MAN2A1: variants seen among roughly 807,000 people sequenced by gnomAD.
MAN2A1 encodes alpha-mannosidase 2.
MAN2A1 carries 76 observed loss-of-function variants against 142.6 expected under a neutral mutation model. The observed-to-expected ratio is 0.53, with a 90% confidence interval of 0.44 to 0.65. The LOEUF is 0.65. Among genes scored for constraint, MAN2A1 ranks in the 30% least tolerant of loss-of-function variants. MAN2A1 has a pLI of 0.00. For missense variants in MAN2A1, 1,311 were observed against 1,365.1 expected (o/e 0.96, Z 0.62); for synonymous variants, 559 against 473.2 (o/e 1.18, Z -2.35).
chr5:109,729,643 C>T (rs967554816), intron 4 of MAN2A1, 130 bp downstream of exon 4: 51 of 505,574 alleles, frequency 1.0e-4, no homozygotes, highest in African/African-American at 5.0e-4. Flanking sequence ...CTTCACATAC[C>T]GTTTTCGTTG....
chr5:109,825,975 C>T (rs868387012), intron 16 of MAN2A1, among the ~76,000 whole-genome samples: 14 of 136,404 alleles, frequency 1.0e-4, no homozygotes, highest in African/African-American at 3.3e-4. Flanking sequence ...GGAGCGATCT[C>T]GGCTCACTGC....
chr5:109,774,826 AG>A lies in MAN2A1; in HGVS notation c.1236del (p.Lys412AsnfsTer12), dbSNP rs1753240223. 6.2e-7 allele frequency: 1 copy of A among 1,612,694 alleles called. No homozygotes were observed. The highest frequency in any genetic ancestry group is 1.3e-5 in the African/African-American group (1 of 74,604). On this transcript the variant is annotated frameshift_variant, in exon 8 of 22. Coordinates refer to ENST00000261483, the MANE Select transcript of MAN2A1 (RefSeq NM_002372.4). LOFTEE classifies it high-confidence loss of function. ...CTAGATCAGTACCGAAAGAAGTCAA[AG>A]CTTTTTCGTACCAAAGTTCTCCTGG... ...MLLDQYRKKS[K>X]LFRTKVLLAP...
rs917503577 is a variant in MAN2A1 at position 109,796,163 on chromosome 5, A to G, written c.1943+6636A>G. Among the ~76,000 whole-genome samples the G allele has an allele frequency of 2.6e-5, 4 of 152,326 alleles. No homozygotes were observed. In the East Asian group the frequency reaches 7.7e-4, roughly 29 times the overall value. ...GATAAATGTTGGCGAGATGACTGCA[A>G]AAGATTTGGGAAGAAATCATAAAAA... On this transcript the variant is annotated intron_variant, in intron 12 of 21. Transcript: ENST00000261483.
intron 18 of MAN2A1, among the ~76,000 whole-genome samples, chr5:109,847,034 C>G (rs1203380308): frequency 2.0e-5 from 3 of 151,948 alleles, no homozygotes; most frequent in African/African-American, 7.3e-5. Context: ...GTCCAGAAGT[C>G]TGGAATTTTA....
chr5:109,819,668 G>T lies in MAN2A1; in HGVS notation c.2110-1G>T. ...TAAATTCCCTTCCCTATCTTTTAAAGATCTCTTTTCGAGCACATATACCGC... is the reference window on the plus strand; with the variant it reads ...TAAATTCCCTTCCCTATCTTTTAAATATCTCTTTTCGAGCACATATACCGC... On this transcript the variant is annotated splice_acceptor_variant, in intron 13 of 21. Coordinates refer to ENST00000261483, the MANE Select transcript of MAN2A1 (RefSeq NM_002372.4). LOFTEE classifies it high-confidence loss of function. The T allele has an allele frequency of 6.5e-7, 1 of 1,540,858 alleles. No individual in the cohort carries two copies. Among genetic ancestry groups the T allele is most frequent in the South Asian group, 1.2e-5 (1 of 80,502 alleles).
At chr5:109,718,748 A>G (rs1751523620) in intron 3 of MAN2A1, among the ~76,000 whole-genome samples, 2 of 152,126 alleles carry the variant, frequency 1.3e-5, no homozygotes, top group Non-Finnish European at 2.9e-5. Context: ...TGGTCTCCTC[A>G]CTAGAATGTT....
Position 109,764,102 on chromosome 5 carries a change from A to G in MAN2A1, c.836-3433A>G, listed in dbSNP as rs573972803. 5.3e-5 allele frequency among the ~76,000 whole-genome samples: 8 copies of G among 152,222 alleles called. No individual in the cohort carries two copies. The South Asian group carries it at 1.5e-3, about 28-fold the overall frequency. ...AGGCATGAGCCACCGTGTCCGGCCT[A>G]TTATAACTTTTTTGAGCTTTTAAAG... On this transcript the variant is annotated intron_variant, in intron 5 of 21. Coordinates refer to ENST00000261483, the MANE Select transcript of MAN2A1 (RefSeq NM_002372.4).
chr5:109,751,369 A>G (rs1752542286), intron 4 of MAN2A1, among the ~76,000 whole-genome samples: 1 of 152,072 alleles, frequency 6.6e-6, no homozygotes, highest in Admixed American at 6.6e-5. Context: ...CATTGTTTAT[A>G]TATATACCAC....
At chr5:109,778,223 C>A (rs1753349019) in intron 8 of MAN2A1, among the ~76,000 whole-genome samples, 1 of 151,962 alleles carries the variant, frequency 6.6e-6, no homozygotes, top group Non-Finnish European at 1.5e-5. Context: ...TTGATTTTTG[C>A]ATTTTAGCCT....
In MAN2A1 at chr5:109,774,936, A is replaced by G. The variant is rs755968435; in HGVS notation, c.1345A>G (p.Met449Val). The G allele has an allele frequency of 6.2e-6, 10 of 1,608,368 alleles. No individual in the cohort carries two copies. The Admixed American group carries it at 1.0e-4, about 16-fold the overall frequency. Residue 449 changes from methionine to valine, a missense_variant, in exon 8 of 22, where the codon ATG (methionine) becomes GTG (valine). By Grantham distance (21) the Met-to-Val change is conservative. Coordinates refer to ENST00000261483, the MANE Select transcript of MAN2A1 (RefSeq NM_002372.4). The stretch of plus-strand genomic sequence containing the variant: ...GAATTATCAGCAGCTTTTTGATTAT[A>G]TGAATTCTCAGTCCAAGTTTAAAGT... ...FKNYQQLFDY[M>V]NSQSKFKVKI...
At chr5:109,715,902 G>A (rs950974532) in intron 2 of MAN2A1, among the ~76,000 whole-genome samples, 2 of 151,574 alleles carry the variant, frequency 1.3e-5, no homozygotes, top group Admixed American at 1.3e-4. Flanking sequence ...CGGATGGGAG[G>A]GATTATTTGT....
chr5:109,833,965 G>GTTT (rs1472179367), intron 16 of MAN2A1, among the ~76,000 whole-genome samples: 1 of 152,290 alleles, frequency 6.6e-6, no homozygotes, highest in African/African-American at 2.4e-5. Flanking sequence ...ATGTTGAACT[G>GTTT]TTTTTGTTCA....
At chr5:109,827,640 T>G (rs1413874980) in intron 16 of MAN2A1, among the ~76,000 whole-genome samples, 2 of 152,250 alleles carry the variant, frequency 1.3e-5, no homozygotes, top group African/African-American at 4.8e-5. Context: ...GAAGTGCAGT[T>G]GAAGGGCTCT....
At chr5:109,714,774 G>A (rs1751406148) in intron 2 of MAN2A1, among the ~76,000 whole-genome samples, 2 of 152,218 alleles carry the variant, frequency 1.3e-5, no homozygotes. Flanking sequence ...TGATCTTGAG[G>A]TCGTGGCTCA....
intron 12 of MAN2A1, among the ~76,000 whole-genome samples, chr5:109,798,917 C>G (rs1307726950): frequency 6.6e-6 from 1 of 152,138 alleles, no homozygotes; most frequent in African/African-American, 2.4e-5. Flanking sequence ...TGGTCTCTAT[C>G]TCCTGACCTC....
At chr5:109,769,001 C>T (rs779368592) in intron 6 of MAN2A1, among the ~76,000 whole-genome samples, 23 of 152,112 alleles carry the variant, frequency 1.5e-4, no homozygotes, top group Non-Finnish European at 2.9e-4. Context: ...TGATAAAATA[C>T]GGATACAGCC....
intron 3 of MAN2A1, among the ~76,000 whole-genome samples, chr5:109,721,514 CATTT>C: frequency 6.6e-6 from 1 of 152,230 alleles, no homozygotes; most frequent in African/African-American, 2.4e-5. Context: ...TTATACTAAA[CATTT>C]ATTTGTTGTT....
chr5:109,753,951 C>T (rs1282848645), intron 4 of MAN2A1, among the ~76,000 whole-genome samples: 1 of 151,806 alleles, frequency 6.6e-6, no homozygotes, highest in Non-Finnish European at 1.5e-5. Context: ...CTCTGTCTCC[C>T]AGGCTGGAGT....
chr5:109,801,280 A>G (rs1290023957), intron 12 of MAN2A1, among the ~76,000 whole-genome samples: 1 of 152,122 alleles, frequency 6.6e-6, no homozygotes, highest in Non-Finnish European at 1.5e-5. Flanking sequence ...GCTTCTACAT[A>G]CAGTACATCT....
Sources: gnomAD v4.1 joint callset for allele counts (sites outside exome capture counted in the v4.1 genomes callset) on GRCh38, gnomAD v4.1.1 for gene constraint, MANE v1.5 for transcripts, NCBI Gene and HGNC (gene_info 2026-07-23, HGNC 2026-07-21) for gene names.